The following GAN variants were observed in gnomAD, a reference collection of about 807,000 sequenced individuals.
GAN encodes epididymis secretory sperm binding protein.
Under a neutral mutation model 71.3 loss-of-function variants are expected in GAN, and 48 were observed. The ratio of observed to expected loss-of-function variants is 0.67; its 90% CI spans 0.53 to 0.86. The LOEUF (loss-of-function observed/expected upper bound fraction) is 0.86. Ranked by LOEUF, GAN falls within the 40% of genes least tolerant of loss-of-function variation. The pLI, the probability that GAN is intolerant of heterozygous loss-of-function variation, is 0.00. For missense variants in GAN, 928 were observed against 770.1 expected (o/e 1.21, Z -2.43); for synonymous variants, 386 against 276.8 (o/e 1.39, Z -3.92).
rs917969347 is a variant in GAN at position 81,379,005 on chromosome 16, A to G, written c.*1409A>G. 3 of 151,970 alleles carry G rather than the reference A, an allele frequency of 2.0e-5. No homozygotes were observed. The highest frequency in any genetic ancestry group is 4.4e-5 in the Non-Finnish European group (3 of 68,000). 9.4% of individuals were successfully genotyped at this position (151,970 alleles called of 1,614,324 possible). A position where few individuals can be genotyped will look rare whatever the true frequency, so the allele number is the denominator to read the frequency against. Reference sequence around the variant, plus strand: ...GTCAAATTTCTAATCAATTTAATATACAGTACTTCATTTTTAATTGTTTTC... The same window carrying G: ...GTCAAATTTCTAATCAATTTAATATGCAGTACTTCATTTTTAATTGTTTTC... On this transcript the variant is annotated 3_prime_UTR_variant, in exon 11 of 11. Transcript: ENST00000648994.
rs902421022 is a variant in GAN at position 81,388,314 on chromosome 16, G to A, written c.*10718G>A. 3.3e-5 allele frequency: 5 copies of A among 152,300 alleles called. No homozygotes were observed. Among genetic ancestry groups the A allele is most frequent in the African/African-American group, 1.2e-4 (5 of 41,434 alleles). 9.4% of individuals were successfully genotyped at this position (152,300 alleles called of 1,614,324 possible). On this transcript the variant is annotated 3_prime_UTR_variant, in exon 11 of 11. Transcript: ENST00000648994. ...TGGGGGCGAGGAGAATAGCCCTTCTGGTTCTTCAGACCACATAATGGCCAG... is the reference window on the plus strand; with the variant it reads ...TGGGGGCGAGGAGAATAGCCCTTCTAGTTCTTCAGACCACATAATGGCCAG...
At chr16:81,365,524 G>C (rs551737207) in intron 9 of GAN, 46 bp downstream of exon 9, 1 of 1,577,698 alleles carries the variant, frequency 6.3e-7, no homozygotes, top group South Asian at 1.1e-5. Flanking sequence ...TTTTCTTTGT[G>C]CTTTCAGTCG....
chr16:81,343,063 C>G (rs181948301), intron 1 of GAN, among the ~76,000 whole-genome samples: 249 of 152,232 alleles, frequency 1.6e-3, no homozygotes, highest in African/African-American at 5.7e-3. Context: ...ATACACCCTC[C>G]CAAAACTAAA....
chr16:81,356,855 T>C lies in GAN; in HGVS notation c.704T>C (p.Met235Thr). The change falls in exon 4 of 11, where the codon ATG becomes ACG. Residue 235 changes from methionine to threonine, a missense_variant. Physicochemically the swap from Met to Thr is moderately conservative, Grantham distance 81. Coordinates refer to ENST00000648994, the MANE Select transcript of GAN (RefSeq NM_022041.4). ...GACTCCAGTTATTTACGGGAACAGATGCTGAATGAACCATTAGTACGAGAA... is the reference window on the plus strand; with the variant it reads ...GACTCCAGTTATTTACGGGAACAGACGCTGAATGAACCATTAGTACGAGAA... ...GLDSSYLREQ[M>T]LNEPLVREIV... 1 of 1,613,824 alleles carries C rather than the reference T, an allele frequency of 6.2e-7. No individual in the cohort carries two copies.
chr16:81,345,174 A>T (rs1469388804), intron 1 of GAN, among the ~76,000 whole-genome samples: 2 of 152,228 alleles, frequency 1.3e-5, no homozygotes, highest in Non-Finnish European at 2.9e-5. Context: ...TAGTTCAACC[A>T]TTGTGGAAGA....
At chr16:81,343,281 T>G (rs1910007461) in intron 1 of GAN, among the ~76,000 whole-genome samples, 1 of 152,188 alleles carries the variant, frequency 6.6e-6, no homozygotes. Context: ...GAGGCCAGCA[T>G]CATCCTGATA....
chr16:81,316,072 C>A (rs962851896), intron 1 of GAN, among the ~76,000 whole-genome samples: 5 of 152,150 alleles, frequency 3.3e-5, no homozygotes, highest in African/African-American at 1.2e-4. Context: ...CCTGATTTGC[C>A]AACTCAACTA....
At chr16:81,347,008 C>G (rs1399645579) in intron 1 of GAN, among the ~76,000 whole-genome samples, 1 of 152,124 alleles carries the variant, frequency 6.6e-6, no homozygotes, top group African/African-American at 2.4e-5. Context: ...TGTTGATAAC[C>G]AGCACAGTGA....
At position 81,341,249 on chromosome 16, in the gene GAN, A is replaced by G. The variant is rs550936566; in HGVS notation, c.168-10334A>G. Reference sequence around the variant, plus strand: ...GATATTATCCAGGAGAACTTCCCCAACCTAGGGAGGCAGGCCAACATTCAA... The same window carrying G: ...GATATTATCCAGGAGAACTTCCCCAGCCTAGGGAGGCAGGCCAACATTCAA... On this transcript the variant is annotated intron_variant, in intron 1 of 10. Transcript: ENST00000648994. 2.6e-5 allele frequency among the ~76,000 whole-genome samples: 4 copies of G among 152,294 alleles called. No individual in the cohort carries two copies. In the Middle Eastern group the frequency reaches 0.01, roughly 389 times the overall value.
chr16:81,353,514 G>T (rs112803970), intron 2 of GAN, among the ~76,000 whole-genome samples: 14 of 152,252 alleles, frequency 9.2e-5, no homozygotes, highest in African/African-American at 3.4e-4. Context: ...TTGTTGCTCA[G>T]TTTCTAAGAT....
intron 1 of GAN, among the ~76,000 whole-genome samples, chr16:81,329,130 C>G (rs1909486648): frequency 6.6e-6 from 1 of 151,766 alleles, no homozygotes; most frequent in African/African-American, 2.4e-5. Context: ...CCCTGACTGT[C>G]TCATCTCCTG....
chr16:81,344,247 A>G (rs1386844551), intron 1 of GAN, among the ~76,000 whole-genome samples: 2 of 152,240 alleles, frequency 1.3e-5, no homozygotes, highest in Non-Finnish European at 2.9e-5. Flanking sequence ...TCTTCACAGA[A>G]TTGGAAAAAC....
intron 1 of GAN, among the ~76,000 whole-genome samples, chr16:81,334,641 A>T (rs545246264): frequency 1.3e-5 from 2 of 152,196 alleles, no homozygotes; most frequent in Admixed American, 6.5e-5. Flanking sequence ...TTGAGCATTG[A>T]ATTGAACTGC....
intron 9 of GAN, among the ~76,000 whole-genome samples, chr16:81,365,728 T>G (rs1261653447): frequency 6.6e-6 from 1 of 151,686 alleles, no homozygotes; most frequent in Non-Finnish European, 1.5e-5. Flanking sequence ...ATTTATTGGC[T>G]CCCTATAGCT....
chr16:81,339,335 A>G (rs1432505570), intron 1 of GAN, among the ~76,000 whole-genome samples: 1 of 152,248 alleles, frequency 6.6e-6, no homozygotes, highest in Non-Finnish European at 1.5e-5. Context: ...GTACAGATAC[A>G]GTTATTAAAC....
chr16:81,388,291 G>T lies in GAN; in HGVS notation c.*10695G>T, dbSNP rs1432355806. 6.6e-6 allele frequency: 1 copy of T among 152,396 alleles called. No homozygotes were observed. The highest frequency in any genetic ancestry group is 1.5e-5 in the Non-Finnish European group (1 of 68,208). 9.4% of individuals were successfully genotyped at this position (152,396 alleles called of 1,614,324 possible). On this transcript the variant is annotated 3_prime_UTR_variant, in exon 11 of 11. Coordinates refer to ENST00000648994, the MANE Select transcript of GAN (RefSeq NM_022041.4). ...AAGGTGCAGTTGGGGCGGGTTGTTG[G>T]GGGCGAGGAGAATAGCCCTTCTGGT...
chr16:81,375,339 C>CTTTTT (rs59775874), intron 9 of GAN, among the ~76,000 whole-genome samples: 3 of 104,122 alleles, frequency 2.9e-5, no homozygotes, highest in African/African-American at 7.6e-5. Flanking sequence ...TTTAATTTAT[C>CTTTTT]TTTTTTTTTT....
rs560952049 is a variant in GAN, at chr16:81,363,128, A to G, written c.1086+517A>G. Among the ~76,000 whole-genome samples the G allele has an allele frequency of 7.2e-5, 11 of 152,366 alleles. No individual in the cohort carries two copies. In the East Asian group the frequency reaches 7.7e-4, roughly 11 times the overall value. ...CGGACATGAAACACCTAGGGCTTCT[A>G]TGATCCCAAATAGCCTTGGCCTGAC... is the stretch of plus-strand genomic sequence containing the variant. On this transcript the variant is annotated intron_variant, in intron 6 of 10. Coordinates refer to ENST00000648994, the MANE Select transcript of GAN (RefSeq NM_022041.4).
chr16:81,341,342 C>A (rs570033470), intron 1 of GAN, among the ~76,000 whole-genome samples: 1 of 151,938 alleles, frequency 6.6e-6, no homozygotes, highest in African/African-American at 2.4e-5. Flanking sequence ...CACATAGATT[C>A]ACCAAGGTTG....
Sources: gnomAD v4.1 joint callset for allele counts (sites outside exome capture counted in the v4.1 genomes callset) on GRCh38, gnomAD v4.1.1 for gene constraint, MANE v1.5 for transcripts, NCBI Gene and HGNC (gene_info 2026-07-23, HGNC 2026-07-21) for gene names.